Variants in SUPT20H observed in about 807,000 individuals in gnomAD.
The protein encoded by SUPT20H is SPT20 homolog, SAGA complex component, also known as transcription factor SPT20 homolog.
A neutral mutation model predicts 122.8 loss-of-function variants in SUPT20H; 82 were observed. That is an observed-to-expected ratio of 0.67 (90% CI 0.56 to 0.80). The LOEUF is 0.80. Ranked by LOEUF, SUPT20H falls within the 30% of genes least tolerant of loss-of-function variation. The pLI, the probability that SUPT20H is intolerant of heterozygous loss-of-function variation, is 0.00. For synonymous variants in SUPT20H, 291 were observed against 313.0 expected (o/e 0.93, Z 0.74); for missense variants, 831 against 921.6 (o/e 0.90, Z 1.27).
chr13:37,034,796 T>C (rs748556144), intron 9 of SUPT20H, among the ~76,000 whole-genome samples: 10 of 152,230 alleles, frequency 6.6e-5, no homozygotes, highest in Non-Finnish European at 1.5e-4. Context: ...GCTGACTCTC[T>C]TGTTGGGGGT....
At position 37,049,421 on chromosome 13, in the gene SUPT20H, T is replaced by C. The variant is rs143565064; in HGVS notation, c.4-822A>G. 1.2e-3 allele frequency among the ~76,000 whole-genome samples: 184 copies of C among 152,146 alleles called. 1 individual carries two copies. Among genetic ancestry groups the C allele is most frequent in the African/African-American group, 4.3e-3 (177 of 41,516 alleles). The stretch of plus-strand genomic sequence containing the variant: ...AAGCCATCATTTCTAAAGACACATA[T>C]GAATAAAAGTACTAGGTTCTAAACA... On this transcript the variant is annotated intron_variant, in intron 2 of 25. Coordinates refer to ENST00000350612, the MANE Select transcript of SUPT20H (RefSeq NM_001014286.3).
intron 22 of SUPT20H, 96 bp from the exon 23 acceptor site, chr13:37,017,460 T>A: frequency 7.9e-7 from 1 of 1,262,448 alleles, no homozygotes; most frequent in East Asian, 2.6e-5. Flanking sequence ...ATTTGCTATG[T>A]GTCACTCTTC....
In SUPT20H at chr13:37,031,733, A is replaced by G. The variant is rs776225907; in HGVS notation, c.864+6T>C. 8 of 1,584,314 alleles carry G rather than the reference A, an allele frequency of 5.0e-6. No individual in the cohort carries two copies. The highest frequency in any genetic ancestry group is 6.8e-6 in the Non-Finnish European group (8 of 1,170,614). On this transcript the variant is annotated splice_donor_region_variant and intron_variant, in intron 11 of 25. Coordinates refer to ENST00000350612, the MANE Select transcript of SUPT20H (RefSeq NM_001014286.3). Reference sequence around the variant, plus strand: ...AATAAGCTTCATTTAAAATATATATACTTACATTTCCTGCCTTAGAAATTT... The same window carrying G: ...AATAAGCTTCATTTAAAATATATATGCTTACATTTCCTGCCTTAGAAATTT...
At chr13:37,021,315 A>G (rs2061431014) in intron 21 of SUPT20H, 133 bp downstream of exon 21, 2 of 968,846 alleles carry the variant, frequency 2.1e-6, no homozygotes, top group Non-Finnish European at 2.7e-6. Flanking sequence ...AGGCTTTTTA[A>G]GTGAAATATA....
intron 9 of SUPT20H, among the ~76,000 whole-genome samples, chr13:37,036,541 C>T (rs1275249453): frequency 6.6e-6 from 1 of 152,024 alleles, no homozygotes; most frequent in African/African-American, 2.4e-5. Flanking sequence ...GGGATGGTCT[C>T]GATCTCCTGC....
At chr13:37,016,673 G>A (rs1319954820) in intron 23 of SUPT20H, among the ~76,000 whole-genome samples, 1 of 152,084 alleles carries the variant, frequency 6.6e-6, no homozygotes, top group Admixed American at 6.5e-5. Flanking sequence ...TAATTTGTGA[G>A]ATAGAGAAAC....
intron 9 of SUPT20H, chr13:37,039,737 C>A (rs1025873421): frequency 6.6e-5 from 10 of 151,992 alleles, no homozygotes; most frequent in Non-Finnish European, 1.5e-4. Flanking sequence ...AAAAAGTACC[C>A]ATTTTTCTTC....
In SUPT20H at chr13:37,025,305, A is replaced by AT. The variant is rs752635491; in HGVS notation, c.1329+14dup. The AT allele has an allele frequency of 4.5e-6, 7 of 1,571,490 alleles. No homozygotes were observed. The highest frequency in any genetic ancestry group is 4.4e-6 in the Non-Finnish European group (5 of 1,141,356). On this transcript the variant is annotated intron_variant, in intron 17 of 25. Transcript: ENST00000350612. Reference sequence around the variant, plus strand: ...AAACAACTGGGCACAAAGAAGTAACATTAATGAAACACACATCTGTTTCTT... The same window carrying AT: ...AAACAACTGGGCACAAAGAAGTAACATTTAATGAAACACACATCTGTTTCTT...
intron 9 of SUPT20H, among the ~76,000 whole-genome samples, chr13:37,035,657 G>A (rs560415938): frequency 1.8e-4 from 28 of 151,980 alleles, no homozygotes; most frequent in Middle Eastern, 3.4e-3. Context: ...TAAGCCTCCC[G>A]AGTAGCTGGG....
chr13:37,044,024 A>T, intron 7 of SUPT20H, 54 bp downstream of exon 7: 1 of 1,086,042 alleles, frequency 9.2e-7, no homozygotes, highest in Non-Finnish European at 1.4e-6. Flanking sequence ...TGACATATAT[A>T]TATCATATAC....
intron 6 of SUPT20H, 67 bp from the exon 7 acceptor site, chr13:37,044,248 G>T: frequency 7.8e-7 from 1 of 1,275,124 alleles, no homozygotes; most frequent in Non-Finnish European, 1.1e-6. Flanking sequence ...TAATTCAAAT[G>T]GCTTTTCAAA....
At chr13:37,011,209 A>C (rs2059570977) in intron 24 of SUPT20H, among the ~76,000 whole-genome samples, 2 of 152,186 alleles carry the variant, frequency 1.3e-5, no homozygotes, top group Admixed American at 1.3e-4. Flanking sequence ...GAAGGCCAAC[A>C]TGATTTAAGT....
At chr13:37,047,438 C>T in intron 5 of SUPT20H, 97 bp downstream of exon 5, 1 of 1,261,922 alleles carries the variant, frequency 7.9e-7, no homozygotes, top group Non-Finnish European at 1.0e-6. Context: ...GATGTTAGTT[C>T]ACTCACACAC....
Position 37,022,258 on chromosome 13 carries a change from G to A in SUPT20H, c.1592-178C>T, listed in dbSNP as rs775707085. On this transcript the variant is annotated intron_variant, in intron 19 of 25. Transcript: ENST00000350612. This position sits in a 1 kb window ranked among gnomAD's most constrained non-coding sequence, Gnocchi z 4.5. Reference sequence around the variant, plus strand: ...CTAGGAGTTGAGCTCTGAGCATCAGGAGGGTGTGGGGTCGATGAAGGGGTT... The same window carrying A: ...CTAGGAGTTGAGCTCTGAGCATCAGAAGGGTGTGGGGTCGATGAAGGGGTT... The A allele has an allele frequency of 1.3e-6, 2 of 1,536,454 alleles. No individual in the cohort carries two copies. Among genetic ancestry groups the A allele is most frequent in the South Asian group, 2.4e-5 (2 of 83,162 alleles).
rs1468143383 is a variant in SUPT20H at position 37,019,512 on chromosome 13, C to T, written c.1817-115G>A. 5.2e-6 allele frequency: 3 copies of T among 579,288 alleles called. No individual in the cohort carries two copies. In the East Asian group the frequency reaches 1.1e-4, roughly 20 times the overall value. The allele number at this position is 579,288 out of a possible 1,614,324, so 35.9% of individuals were successfully genotyped here. A position where few individuals can be genotyped will look rare whatever the true frequency, so the allele number is the denominator to read the frequency against. On this transcript the variant is annotated intron_variant, in intron 21 of 25. Coordinates refer to ENST00000350612, the MANE Select transcript of SUPT20H (RefSeq NM_001014286.3). ...TTTATGTATTCTCTGCATAGATGTG[C>T]TTATTTTCCATACTTCAAAAATATC... is the stretch of plus-strand genomic sequence containing the variant.
chr13:37,014,428 A>AT (rs1227150514), intron 23 of SUPT20H, among the ~76,000 whole-genome samples: 3 of 152,070 alleles, frequency 2.0e-5, no homozygotes, highest in African/African-American at 4.8e-5. Context: ...CAGAATATAC[A>AT]TTTTTTCAGC....
At chr13:37,032,543 G>A (rs1450512580) in intron 10 of SUPT20H, among the ~76,000 whole-genome samples, 1 of 152,180 alleles carries the variant, frequency 6.6e-6, no homozygotes, top group East Asian at 1.9e-4. Context: ...CCCATTAGCA[G>A]AAACCTCCTC....
In SUPT20H at chr13:37,009,720, C is replaced by A; in HGVS notation, c.2292G>T (p.Gln764His). 6.2e-7 allele frequency: 1 copy of A among 1,614,064 alleles called. No individual in the cohort carries two copies. Residue 764 changes from glutamine to histidine, a missense_variant, in exon 26 of 26, where the codon CAG becomes CAT. Coordinates refer to ENST00000350612, the MANE Select transcript of SUPT20H (RefSeq NM_001014286.3). ...TGCCTCTCTTCATTTTACTTTTTGA[C>A]TGGCTGCCTGTATGCCGATGATGAT... is the stretch of plus-strand genomic sequence containing the variant. ...QLHHHRHTGS[Q>H]SKSKMKRGTP...
chr13:37,022,426 T>C lies in SUPT20H; in HGVS notation c.1592-346A>G. 7.7e-7 allele frequency: 1 copy of C among 1,302,478 alleles called. No homozygotes were observed. The highest frequency in any genetic ancestry group is 9.7e-7 in the Non-Finnish European group (1 of 1,027,896). 80.7% of individuals were successfully genotyped at this position (1,302,478 alleles called of 1,614,324 possible). ...CACTGACAATTTGTTCTAGTTTTTTTTTTTTTAGCAGTTAACTGCAAGTGT... is the reference window on the plus strand; with the variant it reads ...CACTGACAATTTGTTCTAGTTTTTTCTTTTTTAGCAGTTAACTGCAAGTGT... On this transcript the variant is annotated intron_variant, in intron 19 of 25. Coordinates refer to ENST00000350612, the MANE Select transcript of SUPT20H (RefSeq NM_001014286.3). The surrounding 1 kb of genome is among the most constrained non-coding windows in gnomAD (Gnocchi z 4.5).
Sources: allele counts gnomAD v4.1 joint callset (sites outside exome capture counted in the v4.1 genomes callset), GRCh38; gene constraint gnomAD v4.1.1; non-coding constraint Gnocchi (gnomAD v3.1); transcripts MANE v1.5; gene names NCBI Gene and HGNC (gene_info 2026-07-23, HGNC 2026-07-21).